Variants in METTL15 observed in about 807,000 individuals in gnomAD.
The protein encoded by METTL15 is 12S rRNA N(4)-cytidine methyltransferase METTL15.
METTL15 carries 34 observed loss-of-function variants against 38.3 expected under a neutral mutation model. The observed-to-expected ratio is 0.89, with a 90% CI of 0.68 to 1.18. The LOEUF is 1.18. Ranked by LOEUF, METTL15 falls within the 50% of genes most tolerant of loss-of-function variation. METTL15 has a pLI of 0.00. For missense variants in METTL15, 438 were observed against 498.4 expected (o/e 0.88, Z 1.15); for synonymous variants, 162 against 170.9 (o/e 0.95, Z 0.41).
chr11:28,374,767 G>GT (rs1186653239), intron 5 of METTL15, among the ~76,000 whole-genome samples: 4 of 151,130 alleles, frequency 2.6e-5, no homozygotes, highest in African/African-American at 9.7e-5. Context: ...AATGCTTCCA[G>GT]TTTTTGCCCA....
intron 4 of METTL15, among the ~76,000 whole-genome samples, chr11:28,254,925 T>A (rs1273883485): frequency 2.8e-4 from 43 of 152,174 alleles, no homozygotes; most frequent in Admixed American, 2.8e-3. Flanking sequence ...TTCTTTTTGC[T>A]CAGGATAGCC....
intron 6 of METTL15, among the ~76,000 whole-genome samples, chr11:28,309,497 ATTAC>A (rs1344454083): frequency 1.3e-5 from 2 of 152,100 alleles, no homozygotes; most frequent in Non-Finnish European, 2.9e-5. Flanking sequence ...ATTTTTAATT[ATTAC>A]CATTGAGTAG....
chr11:28,194,470 G>T (rs1309592394), intron 3 of METTL15, among the ~76,000 whole-genome samples: 1 of 151,822 alleles, frequency 6.6e-6, no homozygotes, highest in African/African-American at 2.4e-5. Flanking sequence ...AAAGTGCTGG[G>T]ATTACAAGCA....
chr11:28,148,925 A>G (rs959608552), intron 3 of METTL15, among the ~76,000 whole-genome samples: 1 of 151,946 alleles, frequency 6.6e-6, no homozygotes, highest in African/African-American at 2.4e-5. Flanking sequence ...AAACCCATTA[A>G]TTTATAACTT....
chr11:28,356,944 T>A (rs1008851213), intron 4 of METTL15, among the ~76,000 whole-genome samples: 1 of 152,166 alleles, frequency 6.6e-6, no homozygotes, highest in African/African-American at 2.4e-5. Context: ...CCAGGTGTGC[T>A]GGCCTCAGGA....
intron 6 of METTL15, among the ~76,000 whole-genome samples, chr11:28,479,697 G>A (rs577740060): frequency 6.6e-6 from 1 of 152,076 alleles, no homozygotes; most frequent in South Asian, 2.1e-4. Flanking sequence ...GTCTTACTTG[G>A]CAAGTTCCTC....
intron 5 of METTL15, among the ~76,000 whole-genome samples, chr11:28,384,829 G>A (rs979605562): frequency 6.6e-6 from 1 of 151,852 alleles, no homozygotes; most frequent in Non-Finnish European, 1.5e-5. Context: ...TTTAATACTT[G>A]CCATTTTGAT....
At chr11:28,375,652 G>A (rs1038429582) in intron 5 of METTL15, among the ~76,000 whole-genome samples, 7 of 151,906 alleles carry the variant, frequency 4.6e-5, no homozygotes, top group African/African-American at 7.2e-5. Context: ...AGGGTTTTTT[G>A]TGTCTCTATT....
intron 3 of METTL15, among the ~76,000 whole-genome samples, chr11:28,125,201 G>A (rs1852423024): frequency 6.6e-6 from 1 of 152,048 alleles, no homozygotes. Context: ...CCCCTGAGGA[G>A]TTTAAAGGCA....
chr11:28,473,882 A>C (rs1305754479), intron 6 of METTL15, among the ~76,000 whole-genome samples: 2 of 151,590 alleles, frequency 1.3e-5, no homozygotes, highest in African/African-American at 4.9e-5. Context: ...TCAGGGCCCA[A>C]CCTCTTTGCA....
chr11:28,242,268 G>C (rs1406620954), intron 4 of METTL15, among the ~76,000 whole-genome samples: 1 of 152,064 alleles, frequency 6.6e-6, no homozygotes, highest in East Asian at 1.9e-4. Flanking sequence ...AGGTTTATTG[G>C]TTTCCTCTCA....
chr11:28,448,557 G>T (rs1207842702), intron 6 of METTL15, among the ~76,000 whole-genome samples: 3 of 151,936 alleles, frequency 2.0e-5, no homozygotes, highest in Non-Finnish European at 2.9e-5. Context: ...CTTGCTCTGG[G>T]GTTAACATTG....
chr11:28,278,739 T>G (rs1328706591), intron 4 of METTL15, among the ~76,000 whole-genome samples: 2 of 152,184 alleles, frequency 1.3e-5, no homozygotes, highest in African/African-American at 2.4e-5. Flanking sequence ...TAATATCATC[T>G]TTTGTATAGG....
chr11:28,458,732 A>G (rs1040006117), intron 6 of METTL15, among the ~76,000 whole-genome samples: 1 of 152,204 alleles, frequency 6.6e-6, no homozygotes, highest in African/African-American at 2.4e-5. Flanking sequence ...CACATAGCCC[A>G]CATCTATCCA....
chr11:28,312,986 T>C (rs10835307), intron 6 of METTL15, among the ~76,000 whole-genome samples: 69,781 of 151,304 alleles, frequency 0.46, 17,602 homozygotes, highest in Admixed American at 0.56. Flanking sequence ...TTTTTCTTTC[T>C]TTTTAAGCCC....
At chr11:28,524,487 AT>A (rs1851792906) in intron 6 of METTL15, among the ~76,000 whole-genome samples, 1 of 152,222 alleles carries the variant, frequency 6.6e-6, no homozygotes, top group African/African-American at 2.4e-5. Flanking sequence ...TAGTAAGTAG[AT>A]TAAAAGCCTA....
chr11:28,348,331 C>T (rs1247275486), intron 3 of METTL15, among the ~76,000 whole-genome samples: 1 of 152,140 alleles, frequency 6.6e-6, no homozygotes, highest in African/African-American at 2.4e-5. Context: ...AAGCTTTCTG[C>T]TGTAAGGAAG....
intron 4 of METTL15, 96 bp from the exon 5 acceptor site, chr11:28,290,110 G>A: frequency 4.0e-6 from 4 of 1,002,468 alleles, no homozygotes; most frequent in Admixed American, 5.9e-5. Flanking sequence ...GTTAAATCAT[G>A]TAATAATAGA....
chr11:28,137,818 A>G (rs1590790387), intron 3 of METTL15, among the ~76,000 whole-genome samples: 1 of 151,800 alleles, frequency 6.6e-6, no homozygotes, highest in African/African-American at 2.4e-5. Context: ...TATTGGATCT[A>G]AGCACTTATT....
Sources: allele counts gnomAD v4.1 joint callset (sites outside exome capture counted in the v4.1 genomes callset), GRCh38; gene constraint gnomAD v4.1.1; transcripts MANE v1.5; gene names NCBI Gene and HGNC (gene_info 2026-07-23, HGNC 2026-07-21).